TSPAN14: variants seen among roughly 807,000 people sequenced by gnomAD.
TSPAN14 encodes the protein tetraspanin-14.
A neutral mutation model predicts 36.6 loss-of-function variants in TSPAN14; 16 were observed. That is an observed-to-expected ratio of 0.44 (90% CI 0.30 to 0.66). The LOEUF (loss-of-function observed/expected upper bound fraction) is 0.66. TSPAN14 is among the 30% of genes least tolerant of loss of function. TSPAN14 has a pLI of 0.12. For synonymous variants in TSPAN14, 139 were observed against 143.8 expected (o/e 0.97, Z 0.24); for missense variants, 231 against 355.1 (o/e 0.65, Z 2.81).
At chr10:80,473,302 C>T (rs895062594) in intron 1 of TSPAN14, among the ~76,000 whole-genome samples, 5 of 152,110 alleles carry the variant, frequency 3.3e-5, no homozygotes, top group African/African-American at 7.2e-5. Context: ...GGAGGCCCCT[C>T]GGTGTCCTGA....
exon 9 of TSPAN14, chr10:80,522,470 C>T (rs1841310534): frequency 6.6e-6 from 1 of 152,100 alleles, no homozygotes; most frequent in Non-Finnish European, 1.5e-5. Context: ...AAGATCGAGC[C>T]ACTGCGCTCC....
At chr10:80,480,329 T>C (rs970917754) in intron 1 of TSPAN14, among the ~76,000 whole-genome samples, 1 of 152,172 alleles carries the variant, frequency 6.6e-6, no homozygotes, top group Non-Finnish European at 1.5e-5. Flanking sequence ...TCCAACACTA[T>C]GTTGAACAGG....
At chr10:80,516,440 A>G in intron 8 of TSPAN14, 117 bp downstream of exon 8, 1 of 1,448,696 alleles carries the variant, frequency 6.9e-7, no homozygotes, top group South Asian at 1.3e-5. Flanking sequence ...TTGCAGAAGA[A>G]AAAAAGGGAT....
chr10:80,491,925 G>A (rs746758484), intron 2 of TSPAN14, among the ~76,000 whole-genome samples: 41 of 152,324 alleles, frequency 2.7e-4, no homozygotes, highest in Non-Finnish European at 4.6e-4. Flanking sequence ...TGGGTTCCTG[G>A]TAGTGATGTG....
In TSPAN14 at chr10:80,489,122, GA is replaced by G. The variant is rs1472476476; in HGVS notation, c.-17-94del. 8.9e-6 allele frequency: 7 copies of G among 785,854 alleles called. No homozygotes were observed. The African/African-American group carries it at 1.2e-4, about 13-fold the overall frequency. The allele number at this position is 785,854 out of a possible 1,614,324, so 48.7% of individuals were successfully genotyped here. ...ACCAGTAAAGGGTCATGAGGGAAAT[GA>G]TCGGGAGCTTTCTAGAATCCGCATA... On this transcript the variant is annotated intron_variant, in intron 1 of 8. Coordinates refer to ENST00000429989, the Ensembl canonical transcript of TSPAN14.
At chr10:80,476,908 A>C (rs1307018041) in intron 1 of TSPAN14, among the ~76,000 whole-genome samples, 1 of 152,178 alleles carries the variant, frequency 6.6e-6, no homozygotes, top group African/African-American at 2.4e-5. Flanking sequence ...ACAAAGCCCA[A>C]ATCAAATTGT....
At chr10:80,501,285 C>A (rs376432148) in intron 2 of TSPAN14, among the ~76,000 whole-genome samples, 1,070 of 106,198 alleles carry the variant, frequency 0.01, 3 homozygotes, top group Middle Eastern at 0.017. Context: ...TTTTAGAAAA[C>A]CTTTTTTTTT....
In TSPAN14 at chr10:80,504,681, C is replaced by T. The variant is rs1840190396; in HGVS notation, c.82-47C>T. On this transcript the variant is annotated intron_variant, in intron 2 of 8. Transcript: ENST00000429989. ...TGCTCTGTGAAGCATGTTCACAGTG[C>T]TGGTTTCCAACCTAACTTCCTTCTC... The T allele has an allele frequency of 2.5e-6, 4 of 1,611,998 alleles. No homozygotes were observed. In the East Asian group the frequency reaches 6.7e-5, roughly 27 times the overall value.
chr10:80,480,268 A>G (rs1000851928), intron 1 of TSPAN14, among the ~76,000 whole-genome samples: 3 of 151,440 alleles, frequency 2.0e-5, no homozygotes, highest in Non-Finnish European at 4.4e-5. Flanking sequence ...CTCTTTTCCT[A>G]ATTGAATACC....
At chr10:80,464,665 C>G (rs185195668) in intron 1 of TSPAN14, among the ~76,000 whole-genome samples, 3 of 152,306 alleles carry the variant, frequency 2.0e-5, no homozygotes, top group Non-Finnish European at 4.4e-5. Flanking sequence ...ATGCAGTCCC[C>G]GTGAGAAGGC....
intron 1 of TSPAN14, among the ~76,000 whole-genome samples, chr10:80,462,856 C>T (rs1308467264): frequency 1.3e-5 from 2 of 152,108 alleles, no homozygotes; most frequent in Admixed American, 1.3e-4. Context: ...GTGTTCATAG[C>T]ACTAGGACCT....
intron 2 of TSPAN14, among the ~76,000 whole-genome samples, chr10:80,500,774 G>T (rs987556016): frequency 1.3e-5 from 2 of 152,222 alleles, no homozygotes; most frequent in African/African-American, 4.8e-5. Flanking sequence ...AGCAAGCGAG[G>T]GAGGGTGTGG....
At chr10:80,468,958 T>C (rs746318269) in intron 1 of TSPAN14, among the ~76,000 whole-genome samples, 1 of 152,198 alleles carries the variant, frequency 6.6e-6, no homozygotes, top group Non-Finnish European at 1.5e-5. Flanking sequence ...TTGCAGTCTT[T>C]ACCCACTTGC....
At chr10:80,520,528 CT>C in exon 9 of TSPAN14, 1 of 481,270 alleles carries the variant, frequency 2.1e-6, no homozygotes, top group East Asian at 5.6e-5. Context: ...CTCTTCTCAC[CT>C]CACCATGCAC....
intron 8 of TSPAN14, among the ~76,000 whole-genome samples, chr10:80,517,698 G>A (rs1458875993): frequency 1.3e-5 from 2 of 152,214 alleles, no homozygotes; most frequent in African/African-American, 4.8e-5. Context: ...CTTTGGGAAT[G>A]TAACAGACTA....
chr10:80,517,854 C>T lies in TSPAN14; in HGVS notation c.742-51C>T, dbSNP rs545328851. On this transcript the variant is annotated intron_variant, in intron 8 of 8. Coordinates refer to ENST00000429989, the Ensembl canonical transcript of TSPAN14. ...AACCCCACCCTCCGCTCCCTGCCCT[C>T]TGCCTTTGGGCCCCAGCAATGGCCG... 1.8e-4 allele frequency: 273 copies of T among 1,540,304 alleles called. 3 individuals are homozygous for T. The South Asian group carries it at 3.2e-3, about 18-fold the overall frequency.
chr10:80,492,812 T>G (rs564866043), intron 2 of TSPAN14, among the ~76,000 whole-genome samples: 2 of 150,746 alleles, frequency 1.3e-5, no homozygotes, highest in South Asian at 4.2e-4. Flanking sequence ...CGAGACTCAG[T>G]CTCAAAAAAA....
intron 1 of TSPAN14, among the ~76,000 whole-genome samples, chr10:80,464,950 A>G (rs1206302361): frequency 5.3e-5 from 8 of 152,064 alleles, no homozygotes; most frequent in Non-Finnish European, 8.8e-5. Flanking sequence ...GGAGCCCTTT[A>G]TGCTTAATAG....
At chr10:80,456,137 A>G (rs572832219) in intron 1 of TSPAN14, among the ~76,000 whole-genome samples, 3 of 152,188 alleles carry the variant, frequency 2.0e-5, no homozygotes, top group South Asian at 2.1e-4. Flanking sequence ...AAAGTCCCTC[A>G]CCAGCTATGA....
Sources: gnomAD v4.1 joint callset for allele counts (sites outside exome capture counted in the v4.1 genomes callset) on GRCh38, gnomAD v4.1.1 for gene constraint, MANE v1.5 for transcripts, NCBI Gene and HGNC (gene_info 2026-07-23, HGNC 2026-07-21) for gene names.